The following CNTN5 variants were observed in gnomAD, a reference collection of about 807,000 sequenced individuals.
The protein encoded by CNTN5 is contactin 5, also known as contactin-5.
A neutral mutation model predicts 129.1 loss-of-function variants in CNTN5; 77 were observed. The observed-to-expected ratio is 0.60, with a 90% CI of 0.50 to 0.72. The LOEUF is 0.72. Ranked by LOEUF, CNTN5 falls within the 30% of genes least tolerant of loss-of-function variation. The pLI is 0.00. For missense variants in CNTN5, 1,478 were observed against 1,328.8 expected (o/e 1.11, Z -1.75); for synonymous variants, 509 against 465.6 (o/e 1.09, Z -1.20).
chr11:99,808,494 G>A lies in CNTN5; in HGVS notation c.56-11050G>A, dbSNP rs548199399. ...ATATCTTTTCTTTGAAGAAATTGCTGTTAGTTGCACAGTTTCCCATTTACT... is the reference window on the plus strand; with the variant it reads ...ATATCTTTTCTTTGAAGAAATTGCTATTAGTTGCACAGTTTCCCATTTACT... On this transcript the variant is annotated intron_variant, in intron 3 of 24. Transcript: ENST00000524871. Among the ~76,000 whole-genome samples, 210 of 152,124 alleles carry A rather than the reference G, an allele frequency of 1.4e-3. 1 individual carries two copies. The highest frequency in any genetic ancestry group is 4.9e-3 in the African/African-American group (205 of 41,452).
chr11:100,231,240 C>T (rs1007897552), intron 16 of CNTN5, among the ~76,000 whole-genome samples: 6 of 152,100 alleles, frequency 3.9e-5, no homozygotes, highest in South Asian at 2.1e-4. Context: ...TTAAAAAGAC[C>T]ATTCAGGAAA....
chr11:99,606,475 A>G (rs1950419995), intron 3 of CNTN5, among the ~76,000 whole-genome samples: 1 of 145,314 alleles, frequency 6.9e-6, no homozygotes, highest in African/African-American at 2.6e-5. Flanking sequence ...AGAACATTCC[A>G]TGCTCATGGG....
intron 1 of CNTN5, among the ~76,000 whole-genome samples, chr11:99,185,333 G>C (rs1858287912): frequency 6.6e-6 from 1 of 151,756 alleles, no homozygotes; most frequent in African/African-American, 2.4e-5. Flanking sequence ...AGTATCTATA[G>C]TGGGAGTGGA....
intron 8 of CNTN5, among the ~76,000 whole-genome samples, chr11:99,960,324 C>T (rs1288409652): frequency 1.3e-5 from 2 of 151,832 alleles, no homozygotes; most frequent in Non-Finnish European, 2.9e-5. Flanking sequence ...TTTTATTCCT[C>T]CTTTTTCCTT....
At chr11:100,353,587 T>C (rs1240185019) in intron 24 of CNTN5, among the ~76,000 whole-genome samples, 1 of 151,658 alleles carries the variant, frequency 6.6e-6, no homozygotes, top group Non-Finnish European at 1.5e-5. Context: ...GGATGTGTTC[T>C]TGTTTTTTAT....
At chr11:100,319,963 A>G (rs984007434) in intron 21 of CNTN5, among the ~76,000 whole-genome samples, 5 of 152,188 alleles carry the variant, frequency 3.3e-5, no homozygotes, top group Non-Finnish European at 5.9e-5. Flanking sequence ...TCATCTGTTG[A>G]TGGACAAGAT....
At chr11:99,325,648 A>G (rs1865752857) in intron 2 of CNTN5, among the ~76,000 whole-genome samples, 164 bp downstream of exon 2, 1 of 152,184 alleles carries the variant, frequency 6.6e-6, no homozygotes, top group African/African-American at 2.4e-5. Context: ...TGAATTGAAA[A>G]CACCTTGATT....
At chr11:99,989,659 T>G (rs1221174463) in intron 8 of CNTN5, among the ~76,000 whole-genome samples, 2 of 152,232 alleles carry the variant, frequency 1.3e-5, no homozygotes, top group Admixed American at 6.5e-5. Flanking sequence ...ATTTTATGCG[T>G]GGAAATTTAT....
At chr11:100,291,735 A>G (rs1043856759) in intron 18 of CNTN5, among the ~76,000 whole-genome samples, 1 of 150,210 alleles carries the variant, frequency 6.7e-6, no homozygotes, top group Non-Finnish European at 1.5e-5. Context: ...CATGTACCCT[A>G]AAACGTAAAG....
chr11:99,356,288 C>T (rs1427163129), intron 2 of CNTN5, among the ~76,000 whole-genome samples: 2 of 152,014 alleles, frequency 1.3e-5, no homozygotes, highest in African/African-American at 4.8e-5. Context: ...CATATGTGAC[C>T]ATGTATCAAA....
chr11:99,070,263 T>A (rs1281258500), intron 1 of CNTN5, among the ~76,000 whole-genome samples: 1 of 152,174 alleles, frequency 6.6e-6, no homozygotes, highest in Non-Finnish European at 1.5e-5. Flanking sequence ...TTTGCACAGG[T>A]CTCACCCTTT....
At chr11:100,162,724 A>G (rs1947497145) in intron 13 of CNTN5, among the ~76,000 whole-genome samples, 1 of 151,920 alleles carries the variant, frequency 6.6e-6, no homozygotes, top group South Asian at 2.1e-4. Context: ...TTGAAACTTG[A>G]TATTTCATCT....
chr11:100,333,097 T>C (rs1014008342), intron 21 of CNTN5, among the ~76,000 whole-genome samples: 1 of 152,144 alleles, frequency 6.6e-6, no homozygotes, highest in Non-Finnish European at 1.5e-5. Flanking sequence ...GTTACAAAAT[T>C]AATATGCAAA....
intron 21 of CNTN5, among the ~76,000 whole-genome samples, chr11:100,312,909 A>AT (rs1461944775): frequency 2.0e-5 from 3 of 152,022 alleles, no homozygotes; most frequent in Non-Finnish European, 4.4e-5. Context: ...GGGGGAAAAC[A>AT]TTTTTTTTAA....
At chr11:100,034,263 A>G (rs1185946126) in intron 9 of CNTN5, among the ~76,000 whole-genome samples, 1 of 152,224 alleles carries the variant, frequency 6.6e-6, no homozygotes, top group Non-Finnish European at 1.5e-5. Context: ...CAAACACTTT[A>G]AAAGGGGGTC....
At chr11:99,315,031 AC>A (rs1392931456) in intron 1 of CNTN5, among the ~76,000 whole-genome samples, 1 of 148,702 alleles carries the variant, frequency 6.7e-6, no homozygotes, top group East Asian at 2.0e-4. Flanking sequence ...TGTTCTTCAG[AC>A]CAAACTTTAA....
At chr11:100,112,922 T>C (rs1467166668) in intron 13 of CNTN5, among the ~76,000 whole-genome samples, 4 of 152,128 alleles carry the variant, frequency 2.6e-5, no homozygotes, top group Non-Finnish European at 4.4e-5. Context: ...GTGATATATC[T>C]ATATTAAGAA....
intron 3 of CNTN5, among the ~76,000 whole-genome samples, chr11:99,762,792 T>A (rs1219733014): frequency 2.6e-5 from 4 of 152,172 alleles, no homozygotes; most frequent in African/African-American, 4.8e-5. Flanking sequence ...TCAAATTTAA[T>A]GTCTGTATCC....
intron 18 of CNTN5, among the ~76,000 whole-genome samples, chr11:100,274,169 A>G (rs957978571): frequency 3.3e-5 from 5 of 152,252 alleles, no homozygotes; most frequent in African/African-American, 9.6e-5. Flanking sequence ...GGCTAGCCAT[A>G]TGCAGAAGAT....
Sources: allele counts gnomAD v4.1 joint callset (sites outside exome capture counted in the v4.1 genomes callset), GRCh38; gene constraint gnomAD v4.1.1; transcripts MANE v1.5; gene names NCBI Gene and HGNC (gene_info 2026-07-23, HGNC 2026-07-21).